Variants in NFE2L2 observed in about 807,000 individuals in gnomAD.
NFE2L2 encodes nuclear factor erythroid 2-related factor 2.
A neutral mutation model predicts 49.6 loss-of-function variants in NFE2L2; 20 were observed. That is an observed-to-expected ratio of 0.40 (90% confidence interval 0.28 to 0.59). The LOEUF is 0.59. NFE2L2 is among the 20% of genes least tolerant of loss of function. The pLI is 0.40. For missense variants in NFE2L2, 578 were observed against 714.2 expected, an observed-to-expected ratio of 0.81 and a Z score of 2.17; for synonymous variants, 244 against 256.5, an observed-to-expected ratio of 0.95 and a Z score of 0.47.
At chr2:177,249,721 A>G (rs1218505072) in intron 1 of NFE2L2, among the ~76,000 whole-genome samples, 1 of 152,276 alleles carries the variant, frequency 6.6e-6, no homozygotes, top group Non-Finnish European at 1.5e-5. Context: ...TAACGAGGTG[A>G]CAAAACACAA....
At chr2:177,253,551 A>C (rs1690414663) in intron 1 of NFE2L2, among the ~76,000 whole-genome samples, 1 of 152,064 alleles carries the variant, frequency 6.6e-6, no homozygotes, top group Non-Finnish European at 1.5e-5. Flanking sequence ...ATACCTAATA[A>C]ATATTTGCGG....
chr2:177,256,379 CTA>C (rs1690524088), intron 1 of NFE2L2, among the ~76,000 whole-genome samples: 1 of 151,310 alleles, frequency 6.6e-6, no homozygotes, highest in East Asian at 2.0e-4. Flanking sequence ...AAGCAAAATT[CTA>C]TATGCCTTAA....
intron 3 of NFE2L2, chr2:177,232,911 C>A: frequency 2.1e-6 from 1 of 470,520 alleles, no homozygotes. Flanking sequence ...AACAAGTCTT[C>A]GTTTATTGCC....
intron 1 of NFE2L2, chr2:177,264,296 A>C: frequency 2.1e-6 from 1 of 474,840 alleles, no homozygotes; most frequent in South Asian, 3.2e-5. Flanking sequence ...ACCTTCCCGC[A>C]ACTTCCCACC....
At chr2:177,237,604 C>T (rs1365607359) in intron 1 of NFE2L2, among the ~76,000 whole-genome samples, 1 of 152,146 alleles carries the variant, frequency 6.6e-6, no homozygotes, top group African/African-American at 2.4e-5. Flanking sequence ...CTGCAACTTC[C>T]GCCTCCAGGG....
At chr2:177,243,634 C>T (rs1383748418) in intron 1 of NFE2L2, among the ~76,000 whole-genome samples, 2 of 152,150 alleles carry the variant, frequency 1.3e-5, no homozygotes, top group Non-Finnish European at 2.9e-5. Context: ...GATCCTCCCA[C>T]CTTGGCCTCC....
rs1287684446 is a variant in NFE2L2 at position 177,258,936 on chromosome 2, T to TA, written c.45+5595dup. Among the ~76,000 whole-genome samples the TA allele has an allele frequency of 2.0e-5, 3 of 152,200 alleles. No homozygotes were observed. In the East Asian group the frequency reaches 5.8e-4, roughly 29 times the overall value. On this transcript the variant is annotated intron_variant, in intron 1 of 4. Transcript: ENST00000397062. ...TGGCTATTTAGCATTGTCTTAGAAT[T>TA]AAAAACAAATATTCAGAATACAGGC...
Position 177,231,185 on chromosome 2 carries a change from A to AT in NFE2L2, c.1417dup (p.Ile473AsnfsTer3), listed in dbSNP as rs1323566743. 4 of 1,613,874 alleles carry AT rather than the reference A, an allele frequency of 2.5e-6. No homozygotes were observed. The highest frequency in any genetic ancestry group is 1.3e-5 in the African/African-American group (1 of 74,868). ...GAAGTCAACAACAGGGAGGTTAATG[A>AT]TTTTTTCTACAGGGAATGGGATATG... On this transcript the variant is annotated frameshift_variant, in exon 5 of 5. Transcript: ENST00000397062. LOFTEE classifies it high-confidence loss of function.
In NFE2L2 at chr2:177,234,168, T is replaced by G. The variant is rs758530616; in HGVS notation, c.149A>C (p.Lys50Thr). The G allele has an allele frequency of 1.2e-6, 2 of 1,614,200 alleles. No homozygotes were observed. Among genetic ancestry groups the G allele is most frequent in the East Asian group, 4.5e-5 (2 of 44,890 alleles). The change falls in exon 2 of 5, where the codon AAA becomes ACA. Residue 50 changes from lysine (K) to threonine (T), a missense_variant. Coordinates refer to ENST00000397062, the MANE Select transcript of NFE2L2 (RefSeq NM_006164.5). Reference sequence around the variant, plus strand: ...TCTTTCCTTTTCAAGTTTTTTCTGTTTTTCCAGCTCATACTCTTTCCGTCG... The same window carrying G: ...TCTTTCCTTTTCAAGTTTTTTCTGTGTTTCCAGCTCATACTCTTTCCGTCG... Reference protein sequence around the residue: ...SQRRKEYELEKQKKLEKERQE... With the variant: ...SQRRKEYELETQKKLEKERQE...
rs2105452505 is a variant in NFE2L2 at position 177,231,419 on chromosome 2, G to A, written c.1184C>T (p.Thr395Ile). 1 of 1,614,246 alleles carries A rather than the reference G, an allele frequency of 6.2e-7. No individual in the cohort carries two copies. The highest frequency in any genetic ancestry group is 8.5e-7 in the Non-Finnish European group (1 of 1,180,046). ...PGSVKQNGPK[T>I]PVHSSGDMVQ... ...CATATCCCCAGAAGAATGTACTGGT[G>A]TTTTAGGACCATTCTGTTTGACACT... Residue 395 changes from threonine (T) to isoleucine (I), a missense_variant, in exon 5 of 5, where the codon ACA (threonine) becomes ATA (isoleucine). Transcript: ENST00000397062.
intron 1 of NFE2L2, among the ~76,000 whole-genome samples, chr2:177,256,516 AAAAAG>A: frequency 6.6e-6 from 1 of 151,752 alleles, no homozygotes. Flanking sequence ...AAAAAAAAAA[AAAAAG>A]GAAAGGACAT....
chr2:177,256,838 CAG>C (rs1690544662), intron 1 of NFE2L2, among the ~76,000 whole-genome samples: 2 of 152,198 alleles, frequency 1.3e-5, no homozygotes, highest in Admixed American at 6.5e-5. Context: ...CCACAGTGGA[CAG>C]AGTTACCCAC....
At chr2:177,252,689 C>T (rs897997268) in intron 1 of NFE2L2, among the ~76,000 whole-genome samples, 9 of 152,160 alleles carry the variant, frequency 5.9e-5, no homozygotes, top group Non-Finnish European at 8.8e-5. Context: ...GCGGAGCATG[C>T]AAGCTTGAGC....
intron 1 of NFE2L2, among the ~76,000 whole-genome samples, chr2:177,237,268 T>A (rs998774734): frequency 2.6e-5 from 4 of 152,228 alleles, no homozygotes; most frequent in African/African-American, 4.8e-5. Flanking sequence ...CTTGGTAGTA[T>A]GAAGCGGCCA....
intron 1 of NFE2L2, among the ~76,000 whole-genome samples, chr2:177,246,532 A>T (rs898092885): frequency 1.3e-5 from 2 of 151,882 alleles, no homozygotes; most frequent in Non-Finnish European, 2.9e-5. Context: ...ATAGTATCCC[A>T]CACTCATTTA....
At chr2:177,232,288 CA>C (rs1176185511) in intron 4 of NFE2L2, 103 bp downstream of exon 4, 2 of 1,167,370 alleles carry the variant, frequency 1.7e-6, no homozygotes, top group Admixed American at 5.5e-5. Context: ...AAGTTAATAG[CA>C]CCCTCCAATC....
At chr2:177,232,228 A>G in intron 4 of NFE2L2, 164 bp downstream of exon 4, 2 of 901,638 alleles carry the variant, frequency 2.2e-6, no homozygotes, top group Non-Finnish European at 3.3e-6. Flanking sequence ...ATAACATTCT[A>G]TCCTCAAGAT....
At chr2:177,250,026 A>G (rs1690277351) in intron 1 of NFE2L2, among the ~76,000 whole-genome samples, 2 of 152,222 alleles carry the variant, frequency 1.3e-5, no homozygotes, top group Admixed American at 1.3e-4. Context: ...AATCAATGGG[A>G]AAATTCACCC....
At chr2:177,247,593 G>A (rs987426154) in intron 1 of NFE2L2, among the ~76,000 whole-genome samples, 10 of 151,574 alleles carry the variant, frequency 6.6e-5, no homozygotes, top group Middle Eastern at 3.4e-3. Flanking sequence ...CCCAGGAGGC[G>A]GAGGTTATGG....
Sources: gnomAD v4.1 joint callset for allele counts (sites outside exome capture counted in the v4.1 genomes callset) on GRCh38, gnomAD v4.1.1 for gene constraint, MANE v1.5 for transcripts, NCBI Gene and HGNC (gene_info 2026-07-23, HGNC 2026-07-21) for gene names.